Variants in RALGPS1 observed in about 807,000 individuals in gnomAD.
RALGPS1 encodes the protein Ral GEF with PH domain and SH3 binding motif 1.
A neutral mutation model predicts 78.8 loss-of-function variants in RALGPS1; 19 were observed. That is an observed-to-expected ratio of 0.24 (90% CI 0.17 to 0.35). The LOEUF is 0.35. Among genes scored for constraint, RALGPS1 ranks in the 10% least tolerant of loss-of-function variants. The probability of loss-of-function intolerance (pLI) is 1.00; values close to 1 mark genes in which losing one functional copy is unlikely to be tolerated. For synonymous variants in RALGPS1, 228 were observed against 256.3 expected (o/e 0.89, Z 1.06); for missense variants, 454 against 688.3 (o/e 0.66, Z 3.81).
intron 3 of RALGPS1, among the ~76,000 whole-genome samples, chr9:126,971,465 C>G: frequency 6.6e-6 from 1 of 151,544 alleles, no homozygotes; most frequent in East Asian, 1.9e-4. Context: ...GATTAGATTA[C>G]CATCAGTCTT....
At chr9:127,174,884 A>G (rs1189017221) in intron 11 of RALGPS1, 102 bp downstream of exon 11, 5 of 1,003,642 alleles carry the variant, frequency 5.0e-6, no homozygotes, top group Admixed American at 3.5e-5. Context: ...TCAAGTTTGC[A>G]GCTTAGCAGA....
chr9:127,094,690 C>T (rs2052901426), intron 8 of RALGPS1, among the ~76,000 whole-genome samples: 1 of 152,212 alleles, frequency 6.6e-6, no homozygotes, highest in Non-Finnish European at 1.5e-5. Context: ...CAGTGAGGGC[C>T]AGATGCTTGG....
chr9:127,103,505 G>T (rs2053931187), intron 8 of RALGPS1, among the ~76,000 whole-genome samples: 1 of 152,216 alleles, frequency 6.6e-6, no homozygotes, highest in Non-Finnish European at 1.5e-5. Context: ...GAAATGCTGA[G>T]TAGAAGGAAC....
intron 8 of RALGPS1, among the ~76,000 whole-genome samples, chr9:127,076,682 C>T (rs1211485853): frequency 6.6e-6 from 1 of 152,144 alleles, no homozygotes; most frequent in Non-Finnish European, 1.5e-5. Flanking sequence ...ACTCTGATGC[C>T]CCAAAGCCTC....
intron 18 of RALGPS1, chr9:127,217,163 G>A (rs1043655900): frequency 8.7e-6 from 11 of 1,258,060 alleles, no homozygotes; most frequent in Admixed American, 4.0e-5. Context: ...TCAGTTTCAT[G>A]TATTGGCAGA....
Position 127,219,067 on chromosome 9 carries a change from G to C in RALGPS1, c.*298G>C, listed in dbSNP as rs896157876. 4.2e-6 allele frequency: 2 copies of C among 473,876 alleles called. No individual in the cohort carries two copies. The highest frequency in any genetic ancestry group is 3.9e-5 in the African/African-American group (2 of 50,834). The allele number at this position is 473,876 out of a possible 1,614,324, so 29.4% of individuals were successfully genotyped here. A position where few individuals can be genotyped will look rare whatever the true frequency, so the allele number is the denominator to read the frequency against. Reference sequence around the variant, plus strand: ...CTGCATCTGCGACTAGAGAGCACCCGGCCCACGTTGGGTTCTCAGTGCTTT... The same window carrying C: ...CTGCATCTGCGACTAGAGAGCACCCCGCCCACGTTGGGTTCTCAGTGCTTT... On this transcript the variant is annotated 3_prime_UTR_variant, in exon 19 of 19. Transcript: ENST00000259351. The surrounding 1 kb of genome is among the most constrained non-coding windows in gnomAD (Gnocchi z 5.0).
At chr9:126,953,387 G>GTA (rs1388225482) in intron 1 of RALGPS1, among the ~76,000 whole-genome samples, 3 of 151,958 alleles carry the variant, frequency 2.0e-5, no homozygotes, top group Non-Finnish European at 4.4e-5. Flanking sequence ...GTGTGTGTGT[G>GTA]TGTGCGCGTG....
intron 1 of RALGPS1, among the ~76,000 whole-genome samples, chr9:126,933,869 A>G (rs1334943147): frequency 1.3e-5 from 2 of 152,116 alleles, no homozygotes; most frequent in Non-Finnish European, 2.9e-5. Context: ...TTTTTCACAC[A>G]GCAACATGCA....
chr9:126,998,442 C>A (rs111724199), intron 4 of RALGPS1, among the ~76,000 whole-genome samples: 2 of 152,196 alleles, frequency 1.3e-5, no homozygotes, highest in African/African-American at 4.8e-5. Flanking sequence ...GCCATCAGAG[C>A]AATGCAAATC....
chr9:127,182,720 TGCCCAGC>T (rs2060355919), intron 11 of RALGPS1, among the ~76,000 whole-genome samples: 1 of 151,830 alleles, frequency 6.6e-6, no homozygotes, highest in South Asian at 2.1e-4. Context: ...TGAGTCACCA[TGCCCAGC>T]CTAAACATCT....
chr9:127,093,574 C>T (rs2052743551), intron 8 of RALGPS1, among the ~76,000 whole-genome samples: 1 of 152,210 alleles, frequency 6.6e-6, no homozygotes, highest in Admixed American at 6.5e-5. Flanking sequence ...GCCCTGTCTG[C>T]ATCCTTCTCG....
Position 127,184,366 on chromosome 9 carries a change from G to A in RALGPS1, c.910+9584G>A. On this transcript the variant is annotated intron_variant, in intron 11 of 18. Coordinates refer to ENST00000259351, the MANE Select transcript of RALGPS1 (RefSeq NM_014636.3). ...ATGAACCAGGCCCTCTAAATGATGT[G>A]TGAGACAGCTCTTGGCTGACAGCGA... 6.3e-6 allele frequency: 2 copies of A among 317,918 alleles called. 1 individual carries two copies. Among genetic ancestry groups the A allele is most frequent in the South Asian group, 5.5e-5 (2 of 36,556 alleles). 19.7% of individuals were successfully genotyped at this position (317,918 alleles called of 1,614,324 possible).
intron 5 of RALGPS1, among the ~76,000 whole-genome samples, chr9:127,035,120 C>T (rs2046756611): frequency 6.6e-6 from 1 of 152,174 alleles, no homozygotes; most frequent in Non-Finnish European, 1.5e-5. Context: ...GCCTGGGAGC[C>T]CCATAAGCAT....
chr9:127,127,185 A>G (rs1300824319), intron 8 of RALGPS1, among the ~76,000 whole-genome samples: 7 of 152,172 alleles, frequency 4.6e-5, no homozygotes, highest in Non-Finnish European at 7.3e-5. Context: ...CCTCTTTCCC[A>G]TCTTCCCAGA....
intron 3 of RALGPS1, among the ~76,000 whole-genome samples, chr9:126,969,898 G>A (rs1182394848): frequency 3.3e-5 from 5 of 152,168 alleles, no homozygotes; most frequent in Non-Finnish European, 5.9e-5. Context: ...TGTCCCTGCT[G>A]GAGCTAGTAT....
intron 5 of RALGPS1, among the ~76,000 whole-genome samples, chr9:127,047,698 CA>C (rs539204984): frequency 0.028 from 2,339 of 84,870 alleles, 42 homozygotes; most frequent in South Asian, 0.14. Flanking sequence ...GACGCCCTCT[CA>C]AAAAAAAAAA....
chr9:127,054,208 C>T (rs1404091521), intron 7 of RALGPS1, among the ~76,000 whole-genome samples: 2 of 152,234 alleles, frequency 1.3e-5, no homozygotes. Flanking sequence ...CAGTTGCTGC[C>T]AGCCCTGTGA....
intron 7 of RALGPS1, among the ~76,000 whole-genome samples, chr9:127,061,181 C>A (rs1391811425): frequency 6.6e-6 from 1 of 152,172 alleles, no homozygotes; most frequent in African/African-American, 2.4e-5. Flanking sequence ...AGATTTCATA[C>A]CTACTTCCTG....
At position 127,212,878 on chromosome 9, in the gene RALGPS1, G is replaced by A. The variant is rs551020043; in HGVS notation, c.1447-66G>A. The A allele has an allele frequency of 1.9e-6, 3 of 1,607,794 alleles. No individual in the cohort carries two copies. The highest frequency in any genetic ancestry group is 1.7e-6 in the Non-Finnish European group (2 of 1,176,292). ...AGGGAGGAAGCCTTGCCTGGCCCACGTCGGCCTCCCTTGTGGAGTGGAGGG... is the reference window on the plus strand; with the variant it reads ...AGGGAGGAAGCCTTGCCTGGCCCACATCGGCCTCCCTTGTGGAGTGGAGGG... On this transcript the variant is annotated intron_variant, in intron 16 of 18. Transcript: ENST00000259351. The surrounding 1 kb of genome is among the most constrained non-coding windows in gnomAD (Gnocchi z 6.0).
Sources: gnomAD v4.1 joint callset for allele counts (sites outside exome capture counted in the v4.1 genomes callset) on GRCh38, gnomAD v4.1.1 for gene constraint, Gnocchi (gnomAD v3.1) non-coding constraint, MANE v1.5 for transcripts, NCBI Gene and HGNC (gene_info 2026-07-23, HGNC 2026-07-21) for gene names.